The following CTNND1 variants were observed in gnomAD, a reference collection of about 807,000 sequenced individuals.
CTNND1 encodes catenin delta 1, also known as catenin delta-1.
CTNND1 carries 16 observed loss-of-function variants against 112.1 expected under a neutral mutation model. That is an observed-to-expected ratio of 0.14 (90% CI 0.10 to 0.22). The LOEUF is 0.22. CTNND1 is among the 10% of genes least tolerant of loss of function. The probability of loss-of-function intolerance (pLI) is 1.00; values close to 1 mark genes in which losing one functional copy is unlikely to be tolerated. For synonymous variants in CTNND1, 420 were observed against 446.5 expected (o/e 0.94, Z 0.75); for missense variants, 1,008 against 1,257.0 (o/e 0.80, Z 3.00).
intron 18 of CTNND1, 120 bp downstream of exon 18, chr11:57,814,493 G>A (rs1286043618): frequency 1.0e-5 from 7 of 679,814 alleles, no homozygotes; most frequent in Non-Finnish European, 1.5e-5. Flanking sequence ...GAGAGCATTG[G>A]CTGATCATTT....
At chr11:57,811,340 G>A in intron 16 of CTNND1, 59 bp from the exon 17 acceptor site, 1 of 1,396,614 alleles carries the variant, frequency 7.2e-7, no homozygotes, top group Non-Finnish European at 1.0e-6. Context: ...GCCCATTAGA[G>A]CATAAGATAG....
intron 12 of CTNND1, 145 bp from the exon 13 acceptor site, chr11:57,808,020 A>T (rs573163894): frequency 1.3e-6 from 1 of 770,208 alleles, no homozygotes; most frequent in Admixed American, 3.0e-5. Context: ...AGTTTGCTGT[A>T]GAGAGTGTGA....
Position 57,789,100 on chromosome 11 carries a change from T to C in CTNND1, c.-150T>C. 6.5e-7 allele frequency: 1 copy of C among 1,535,782 alleles called. No homozygotes were observed. The highest frequency in any genetic ancestry group is 8.7e-7 in the Non-Finnish European group (1 of 1,146,906). On this transcript the variant is annotated 5_prime_UTR_variant, in exon 2 of 21. Transcript: ENST00000399050. ...GATGCTTCTTCCATGATTTTTTGAA[T>C]CTAGACTGGGCTGTTCTCTGTGTTA...
chr11:57,805,924 C>G lies in CTNND1; in HGVS notation c.1765C>G (p.Gln589Glu). 1.2e-6 allele frequency: 2 copies of G among 1,613,778 alleles called. No homozygotes were observed. The highest frequency in any genetic ancestry group is 1.7e-6 in the Non-Finnish European group (2 of 1,179,790). ...CVCLLRNLSY[Q>E]VHREIPQAER... ...TTGCCTTCTTCGGAACTTATCATAT[C>G]AAGTTCACCGGGAGATCCCACAGGC... Residue 589 changes from glutamine (Q) to glutamate (E), a missense_variant, in exon 10 of 21, where the codon CAA (glutamine) becomes GAA (glutamate). By Grantham distance (29) the Gln-to-Glu change is conservative (BLOSUM62 2). Coordinates refer to ENST00000399050, the MANE Select transcript of CTNND1 (RefSeq NM_001085458.2).
chr11:57,781,867 A>G (rs1372891438), intron 1 of CTNND1, among the ~76,000 whole-genome samples: 3 of 152,082 alleles, frequency 2.0e-5, no homozygotes, highest in Non-Finnish European at 2.9e-5. Flanking sequence ...CCCCCTCACT[A>G]GCTGAGAGCC....
chr11:57,806,120 C>T, intron 10 of CTNND1, 85 bp downstream of exon 10: 2 of 1,475,050 alleles, frequency 1.4e-6, no homozygotes, highest in South Asian at 2.7e-5. Context: ...AAATACTTGG[C>T]AACAGTATGG....
At position 57,791,586 on chromosome 11, in the gene CTNND1, C is replaced by T. The variant is rs774529231; in HGVS notation, c.108C>T (p.His36=). Residue 36 remains histidine, a synonymous_variant, in exon 3 of 21, where the codon CAC becomes CAT. Transcript: ENST00000399050. ...GGGCGCTGGAGGAGGAACGGCGCCA[C>T]GTCTCGGCGCAGCTGGAACGCGTCC... ...LTRALEEERR[H]VSAQLERVRV... The T allele has an allele frequency of 1.1e-5, 17 of 1,611,422 alleles. No individual in the cohort carries two copies. Among genetic ancestry groups the T allele is most frequent in the South Asian group, 5.5e-5 (5 of 90,618 alleles).
intron 9 of CTNND1, 52 bp from the exon 10 acceptor site, chr11:57,805,830 A>G: frequency 6.3e-7 from 1 of 1,580,244 alleles, no homozygotes; most frequent in Non-Finnish European, 8.6e-7. Context: ...GTACTTGTGG[A>G]GAAATCACAA....
chr11:57,777,357 C>T (rs1954563061), intron 1 of CTNND1, among the ~76,000 whole-genome samples: 1 of 152,160 alleles, frequency 6.6e-6, no homozygotes, highest in Non-Finnish European at 1.5e-5. Context: ...CAACCTCTGC[C>T]TCCCGGGCTC....
rs907736230 is a variant in CTNND1, at chr11:57,818,085, G to A, written c.*1777G>A. The A allele has an allele frequency of 2.0e-5, 3 of 152,110 alleles. No homozygotes were observed. The highest frequency in any genetic ancestry group is 7.3e-5 in the African/African-American group (3 of 41,234). The allele number at this position is 152,110 out of a possible 1,614,324, so 9.4% of individuals were successfully genotyped here. A position where few individuals can be genotyped will look rare whatever the true frequency, so the allele number is the denominator to read the frequency against. ...TTCATCTACCTTTTCTGGCAAAAAG[G>A]AGCCTTTTGCTCTCTGTGACCCTAA... On this transcript the variant is annotated 3_prime_UTR_variant, in exon 21 of 21. Transcript: ENST00000399050.
In CTNND1 at chr11:57,762,015, A is replaced by G; in HGVS notation, c.-318A>G. On this transcript the variant is annotated 5_prime_UTR_variant, in exon 1 of 21. Coordinates refer to ENST00000399050, the MANE Select transcript of CTNND1 (RefSeq NM_001085458.2). Reference sequence around the variant, plus strand: ...TGGCGAAGCCTTGGGTTTCTTTCTTAAAGGACTGATTTTTAGAACTCCACA... The same window carrying G: ...TGGCGAAGCCTTGGGTTTCTTTCTTGAAGGACTGATTTTTAGAACTCCACA... The G allele has an allele frequency of 1.0e-6, 1 of 985,420 alleles. No individual in the cohort carries two copies. Among genetic ancestry groups the G allele is most frequent in the Non-Finnish European group, 1.2e-6 (1 of 829,912 alleles). 61.0% of individuals were successfully genotyped at this position (985,420 alleles called of 1,614,324 possible). A position where few individuals can be genotyped will look rare whatever the true frequency, so the allele number is the denominator to read the frequency against.
Position 57,772,096 on chromosome 11 carries a change from A to ATTT in CTNND1, c.-214+9991_-214+9993dup, listed in dbSNP as rs536394341. ...ACTACTACACCCAGCTAATTTTTGT[A>ATTT]TTTTTTTTTTTTTTTTGTAGAGACA... is the stretch of plus-strand genomic sequence containing the variant. On this transcript the variant is annotated intron_variant, in intron 1 of 20. Coordinates refer to ENST00000399050, the MANE Select transcript of CTNND1 (RefSeq NM_001085458.2). Among the ~76,000 whole-genome samples the ATTT allele has an allele frequency of 7.8e-3, 1,014 of 129,858 alleles. 27 individuals carry two copies. Among genetic ancestry groups the ATTT allele is most frequent in the African/African-American group, 0.015 (526 of 35,212 alleles). The allele number at this position is 129,858 out of a possible 152,430, so 85.2% of individuals were successfully genotyped here. A position where few individuals can be genotyped will look rare whatever the true frequency, so the allele number is the denominator to read the frequency against.
At position 57,808,395 on chromosome 11, in the gene CTNND1, T is replaced by G. The variant is rs2062962321; in HGVS notation, c.2097T>G (p.Gly699=). 6.2e-7 allele frequency: 1 copy of G among 1,606,082 alleles called. No homozygotes were observed. Among genetic ancestry groups the G allele is most frequent in the Non-Finnish European group, 8.5e-7 (1 of 1,174,038 alleles). ...CTTTCTATTTGCTATTCTAGTATGG[T>G]CGATACATCCGCTCTGCTCTGCGTC... ...QNLCAGRWTY[G]RYIRSALRQE... Residue 699 remains glycine (G), a synonymous_variant, in exon 14 of 21, where the codon GGT becomes GGG. Coordinates refer to ENST00000399050, the MANE Select transcript of CTNND1 (RefSeq NM_001085458.2).
chr11:57,803,855 T>C, intron 8 of CTNND1, 51 bp downstream of exon 8: 18 of 1,308,286 alleles, frequency 1.4e-5, no homozygotes, highest in Non-Finnish European at 1.8e-5. Context: ...AGGACTGACT[T>C]AAATTTCCTA....
chr11:57,771,199 CAAA>C lies in CTNND1; in HGVS notation c.-214+9082_-214+9084del, dbSNP rs532024060. ...AAGAAGGAAGTAAAACATCTCCATTCAAAAGAAATTTGAGAGTCTGTTTATGCC... is the reference window on the plus strand; with the variant it reads ...AAGAAGGAAGTAAAACATCTCCATTCAGAAATTTGAGAGTCTGTTTATGCC... On this transcript the variant is annotated intron_variant, in intron 1 of 20. Coordinates refer to ENST00000399050, the MANE Select transcript of CTNND1 (RefSeq NM_001085458.2). 9.4e-4 allele frequency among the ~76,000 whole-genome samples: 143 copies of C among 151,450 alleles called. 1 individual carries two copies. The highest frequency in any genetic ancestry group is 3.3e-3 in the African/African-American group (136 of 41,252).
chr11:57,765,330 T>A (rs1000649226), intron 1 of CTNND1, among the ~76,000 whole-genome samples: 1 of 152,152 alleles, frequency 6.6e-6, no homozygotes, highest in Admixed American at 6.5e-5. Flanking sequence ...TTGATGAGAA[T>A]CAGTGAGGGA....
intron 1 of CTNND1, among the ~76,000 whole-genome samples, chr11:57,785,889 C>T (rs1030007418): frequency 6.6e-6 from 1 of 151,966 alleles, no homozygotes; most frequent in Non-Finnish European, 1.5e-5. Context: ...ATCTGGTTAG[C>T]ACTGTCTAGT....
At chr11:57,814,140 C>A in intron 17 of CTNND1, 171 bp from the exon 18 acceptor site, 1 of 591,680 alleles carries the variant, frequency 1.7e-6, no homozygotes, top group South Asian at 1.9e-5. Context: ...CATAGTGAGA[C>A]CTCATCTCTA....
intron 9 of CTNND1, among the ~76,000 whole-genome samples, chr11:57,805,621 A>G (rs2062576082): frequency 6.6e-6 from 1 of 152,032 alleles, no homozygotes; most frequent in Non-Finnish European, 1.5e-5. Context: ...TACATTGTCT[A>G]AGTAGTAAGA....
Sources: allele counts gnomAD v4.1 joint callset (sites outside exome capture counted in the v4.1 genomes callset), GRCh38; gene constraint gnomAD v4.1.1; transcripts MANE v1.5; gene names NCBI Gene and HGNC (gene_info 2026-07-23, HGNC 2026-07-21).